The following ING5 variants were observed in gnomAD, a reference collection of about 807,000 sequenced individuals.
ING5 encodes inhibitor of growth protein 5.
A neutral mutation model predicts 37.4 loss-of-function variants in ING5; 17 were observed. The ratio of observed to expected loss-of-function variants is 0.45; its 90% CI spans 0.31 to 0.68. The LOEUF (loss-of-function observed/expected upper bound fraction) is 0.68. Ranked by LOEUF, ING5 falls within the 30% of genes least tolerant of loss-of-function variation. ING5 has a pLI of 0.05. For synonymous variants in ING5, 123 were observed against 116.6 expected (o/e 1.06, Z -0.36); for missense variants, 233 against 311.9 (o/e 0.75, Z 1.91).
chr2:241,711,394 A>G lies in ING5; in HGVS notation c.294A>G (p.Arg98=). The G allele has an allele frequency of 6.5e-7, 1 of 1,537,818 alleles. No homozygotes were observed. The highest frequency in any genetic ancestry group is 8.7e-7 in the Non-Finnish European group (1 of 1,146,520). The change falls in exon 4 of 8, where the codon CGA becomes CGG. Residue 98 remains arginine (R), a synonymous_variant. Coordinates refer to ENST00000313552, the MANE Select transcript of ING5 (RefSeq NM_032329.6). ...QTYEMVDKHI[R]RLDADLARFE... ...TTTTGTAGGTGGATAAACACATTCG[A>G]AGGCTTGATGCAGACCTGGCGCGCT...
chr2:241,720,480 C>T (rs1170130259), intron 5 of ING5: 10 of 1,010,298 alleles, frequency 9.9e-6, no homozygotes, highest in Admixed American at 1.2e-4. Context: ...TCTGAGATCC[C>T]GTGACCTGAG....
upstream of ING5, among the ~76,000 whole-genome samples, chr2:241,701,394 G>A (rs1300067495): frequency 6.6e-6 from 1 of 152,246 alleles, no homozygotes; most frequent in African/African-American, 2.4e-5. Context: ...TCGAGAGGTG[G>A]CAGCAAAGGA....
intron 1 of ING5, among the ~76,000 whole-genome samples, chr2:241,702,919 C>T (rs915791447): frequency 3.3e-5 from 5 of 152,178 alleles, no homozygotes; most frequent in Admixed American, 6.5e-5. Context: ...TCTGGAGGGC[C>T]CTTGTGGGGG....
At chr2:241,691,425 TGA>T (rs1455596592) in intron 2 of ING5, among the ~76,000 whole-genome samples, 2 of 149,836 alleles carry the variant, frequency 1.3e-5, no homozygotes, top group African/African-American at 5.0e-5. Flanking sequence ...GGTGACAGAG[TGA>T]GACACTGTCT....
chr2:241,706,488 GT>G (rs1328601158), intron 2 of ING5, among the ~76,000 whole-genome samples: 1 of 152,004 alleles, frequency 6.6e-6, no homozygotes, highest in Non-Finnish European at 1.5e-5. Context: ...AATTAGCCGG[GT>G]GTGGTGGCGC....
Position 241,711,460 on chromosome 2 carries a change from T to G in ING5, c.360T>G (p.Phe120Leu). ...DLKDKMEGSD[F>L]ESSGGRGLKK... ...AGGACAAGATGGAGGGCAGTGATTTTGAAAGCTCCGGAGGGCGAGGGTTAA... is the reference window on the plus strand; with the variant it reads ...AGGACAAGATGGAGGGCAGTGATTTGGAAAGCTCCGGAGGGCGAGGGTTAA... Residue 120 changes from phenylalanine (F) to leucine (L), a missense_variant, in exon 4 of 8, where the codon TTT becomes TTG. Phe to Leu is a conservative substitution (Grantham distance 22). Transcript: ENST00000313552. 6.2e-7 allele frequency: 1 copy of G among 1,607,136 alleles called. No homozygotes were observed. The highest frequency in any genetic ancestry group is 1.7e-4 in the Middle Eastern group (1 of 6,044).
chr2:241,698,374 G>A (rs898380457), upstream of ING5, among the ~76,000 whole-genome samples: 6 of 152,064 alleles, frequency 3.9e-5, no homozygotes, highest in Admixed American at 1.3e-4. Flanking sequence ...GGATCCGGGA[G>A]GTGGAGCTTG....
At chr2:241,707,519 T>A (rs2069959600) in intron 2 of ING5, among the ~76,000 whole-genome samples, 1 of 152,060 alleles carries the variant, frequency 6.6e-6, no homozygotes. Flanking sequence ...CTTGAACTCC[T>A]GACCTCAGGT....
rs150195630 is a variant in ING5, at chr2:241,708,645, G to A, written c.110-571G>A. ...GTCACCTTCTCTGGGAATCATCCGTGTTGCTGTGTGTGGCTGTAGTTTGCT... is the reference window on the plus strand; with the variant it reads ...GTCACCTTCTCTGGGAATCATCCGTATTGCTGTGTGTGGCTGTAGTTTGCT... On this transcript the variant is annotated intron_variant, in intron 2 of 7. Coordinates refer to ENST00000313552, the MANE Select transcript of ING5 (RefSeq NM_032329.6). Among the ~76,000 whole-genome samples, 187 of 152,294 alleles carry A rather than the reference G, an allele frequency of 1.2e-3. 6 individuals are homozygous for A. In the East Asian group the frequency reaches 0.034, roughly 28 times the overall value.
At chr2:241,719,496 C>G in intron 5 of ING5, 1 of 1,488,988 alleles carries the variant, frequency 6.7e-7, no homozygotes, top group Non-Finnish European at 9.1e-7. Context: ...CAACAGCGTT[C>G]TGAGTCTTCC....
chr2:241,702,027 G>A (rs1016960044), upstream of ING5: 68 of 1,345,180 alleles, frequency 5.1e-5, no homozygotes, highest in African/African-American at 9.8e-4. Flanking sequence ...CCGCGGCACC[G>A]CCCGCCCGCG....
At chr2:241,713,304 T>G (rs572106415) in intron 5 of ING5, among the ~76,000 whole-genome samples, 1 of 151,290 alleles carries the variant, frequency 6.6e-6, no homozygotes, top group East Asian at 2.0e-4. Context: ...GTGATCCACC[T>G]GCCTCGGCCT....
chr2:241,716,585 GC>G (rs2070279405), intron 5 of ING5, among the ~76,000 whole-genome samples: 1 of 152,064 alleles, frequency 6.6e-6, no homozygotes, highest in African/African-American at 2.4e-5. Flanking sequence ...GTGAGCCACT[GC>G]CCCGGCCCCT....
chr2:241,723,727 G>GT (rs1691491370), intron 7 of ING5: 1 of 1,593,930 alleles, frequency 6.3e-7, no homozygotes, highest in East Asian at 2.2e-5. Context: ...AGAAGGGTGT[G>GT]TTTTCTCTAC....
intron 5 of ING5, chr2:241,721,859 G>A: frequency 1.0e-6 from 1 of 985,554 alleles, no homozygotes; most frequent in South Asian, 4.7e-5. Flanking sequence ...TGGTCCTGGT[G>A]GGACGGCCAT....
At chr2:241,723,544 C>T (rs922038431) in intron 7 of ING5, among the ~76,000 whole-genome samples, 4 of 152,226 alleles carry the variant, frequency 2.6e-5, no homozygotes, top group Non-Finnish European at 4.4e-5. Context: ...GTGATATTCA[C>T]GTTAATGGCC....
chr2:241,712,156 C>A, intron 5 of ING5, 85 bp downstream of exon 5: 1 of 1,103,534 alleles, frequency 9.1e-7, no homozygotes, highest in Non-Finnish European at 1.3e-6. Context: ...GGAAGCTGAC[C>A]CGAGTGAAGT....
At chr2:241,701,647 C>A (rs1454337530), upstream of ING5, among the ~76,000 whole-genome samples, 2 of 152,158 alleles carry the variant, frequency 1.3e-5, no homozygotes, top group Non-Finnish European at 2.9e-5. Flanking sequence ...GGCGGCCTGT[C>A]CGGGACCCGG....
intron 1 of ING5, among the ~76,000 whole-genome samples, chr2:241,703,837 C>G (rs778396426): frequency 3.3e-5 from 5 of 152,122 alleles, no homozygotes; most frequent in Non-Finnish European, 5.9e-5. Context: ...AACTCCTGAC[C>G]TCAACTGATT....
Sources: allele counts gnomAD v4.1 joint callset (sites outside exome capture counted in the v4.1 genomes callset), GRCh38; gene constraint gnomAD v4.1.1; transcripts MANE v1.5; gene names NCBI Gene and HGNC (gene_info 2026-07-23, HGNC 2026-07-21).